The following POLR1A variants were observed in gnomAD, a reference collection of about 807,000 sequenced individuals.
POLR1A encodes the protein RNA polymerase I subunit A, also known as DNA-directed RNA polymerase I subunit RPA1.
In POLR1A, 84 loss-of-function variants were observed where a neutral mutation model predicts 205.3. The observed-to-expected ratio is 0.41, with a 90% CI of 0.34 to 0.49. The LOEUF (loss-of-function observed/expected upper bound fraction) is 0.49. Ranked by LOEUF, POLR1A falls within the 20% of genes least tolerant of loss-of-function variation. The pLI, the probability that POLR1A is intolerant of heterozygous loss-of-function variation, is 0.22. For synonymous variants in POLR1A, 799 were observed against 863.7 expected (o/e 0.93, Z 1.31); for missense variants, 1,645 against 2,204.5 (o/e 0.75, Z 5.08).
chr2:86,083,009 A>C, intron 7 of POLR1A, 73 bp downstream of exon 7: 2 of 1,110,214 alleles, frequency 1.8e-6, no homozygotes, highest in Non-Finnish European at 2.8e-6. Context: ...AGAAGTAATA[A>C]GGCAGGGTTA....
Position 86,026,588 on chromosome 2 carries a change from G to C in POLR1A, c.*835C>G, listed in dbSNP as rs555257359. ...TGGAGGCCTGTGTTCCTTCCCATAA[G>C]CAGGGCCTGTGGGGTGTATGGGGCA... On this transcript the variant is annotated 3_prime_UTR_variant, in exon 34 of 34. Transcript: ENST00000263857. The C allele has an allele frequency of 1.3e-5, 2 of 152,428 alleles. No homozygotes were observed. The highest frequency in any genetic ancestry group is 4.1e-4 in the South Asian group (2 of 4,832). 9.4% of individuals were successfully genotyped at this position (152,428 alleles called of 1,614,324 possible).
chr2:86,047,502 C>T (rs779145651), intron 18 of POLR1A, among the ~76,000 whole-genome samples: 8 of 152,268 alleles, frequency 5.3e-5, no homozygotes, highest in East Asian at 1.9e-4. Flanking sequence ...CCAGGATCCC[C>T]GAGGTTTCAT....
chr2:86,039,657 C>T (rs896031832), intron 25 of POLR1A, among the ~76,000 whole-genome samples, 195 bp from the exon 26 acceptor site: 1 of 152,184 alleles, frequency 6.6e-6, no homozygotes, highest in African/African-American at 2.4e-5. Context: ...TGTCAGTTTC[C>T]TCCCTGGAGG....
At chr2:86,044,080 T>C (rs886548385) in intron 22 of POLR1A, 59 bp downstream of exon 22, 13 of 1,565,900 alleles carry the variant, frequency 8.3e-6, no homozygotes, top group Non-Finnish European at 9.7e-6. Flanking sequence ...TCCAGTTCTC[T>C]AACCTCGGTG....
intron 3 of POLR1A, among the ~76,000 whole-genome samples, chr2:86,097,322 G>A (rs1378546680): frequency 6.7e-6 from 1 of 149,008 alleles, no homozygotes. Context: ...AGCCACTACG[G>A]GAAACATATG....
At chr2:86,093,982 G>A (rs1455596694) in intron 3 of POLR1A, among the ~76,000 whole-genome samples, 1 of 152,122 alleles carries the variant, frequency 6.6e-6, no homozygotes, top group Non-Finnish European at 1.5e-5. Flanking sequence ...AATATCCCTC[G>A]ATTGCGGGCA....
Position 86,060,116 on chromosome 2 carries a change from T to C in POLR1A, c.2058+5158A>G, listed in dbSNP as rs1460456180. Among the ~76,000 whole-genome samples, 5 of 152,350 alleles carry C rather than the reference T, an allele frequency of 3.3e-5. No individual in the cohort carries two copies. In the East Asian group the frequency reaches 7.7e-4, roughly 23 times the overall value. On this transcript the variant is annotated intron_variant, in intron 14 of 33. Coordinates refer to ENST00000263857, the MANE Select transcript of POLR1A (RefSeq NM_015425.6). ...ATTTAATAGACAGTATCATCTACCA[T>C]AGCAGTATCCAGGAGTGAATCTAAT...
chr2:86,029,025 G>T (rs1672326906), intron 31 of POLR1A, among the ~76,000 whole-genome samples: 1 of 152,200 alleles, frequency 6.6e-6, no homozygotes, highest in African/African-American at 2.4e-5. Flanking sequence ...CTGTTTACTA[G>T]GATTAAGGCT....
chr2:86,047,476 C>T (rs566024718), intron 18 of POLR1A, among the ~76,000 whole-genome samples: 2 of 152,326 alleles, frequency 1.3e-5, no homozygotes, highest in East Asian at 3.9e-4. Flanking sequence ...GCCCTGCACT[C>T]GCTGGACTTC....
At chr2:86,102,387 T>A (rs1673836928) in intron 1 of POLR1A, among the ~76,000 whole-genome samples, 1 of 152,244 alleles carries the variant, frequency 6.6e-6, no homozygotes. Flanking sequence ...ATGTTCAACA[T>A]CTTTTCACAT....
At chr2:86,056,169 C>T (rs552199150) in intron 14 of POLR1A, among the ~76,000 whole-genome samples, 10 of 151,954 alleles carry the variant, frequency 6.6e-5, no homozygotes, top group African/African-American at 9.6e-5. Flanking sequence ...GAAAAAGTTC[C>T]GGCCAGGTGT....
chr2:86,070,058 T>C lies in POLR1A; in HGVS notation c.1826A>G (p.Tyr609Cys). The C allele has an allele frequency of 1.2e-6, 2 of 1,614,052 alleles. No individual in the cohort carries two copies. Among genetic ancestry groups the C allele is most frequent in the Non-Finnish European group, 1.7e-6 (2 of 1,179,960 alleles). Reference sequence around the variant, plus strand: ...CTGCTGATCAGTGCAGGCCAGGACGTAGGCCTCGGCCCGGCCCAGCTCACT... The same window carrying C: ...CTGCTGATCAGTGCAGGCCAGGACGCAGGCCTCGGCCCGGCCCAGCTCACT... ...PQSELGRAEA[Y>C]VLACTDQQYL... is the part of the protein sequence containing the mutation. The change falls in exon 13 of 34, where the codon TAC becomes TGC. Residue 609 changes from tyrosine (Y) to cysteine (C), a missense_variant. Physicochemically the swap from Tyr to Cys is radical, Grantham distance 194 (BLOSUM62 -2). Coordinates refer to ENST00000263857, the MANE Select transcript of POLR1A (RefSeq NM_015425.6). This position sits in a 1 kb window ranked among gnomAD's most constrained non-coding sequence, Gnocchi z 4.4.
At chr2:86,040,358 C>G in intron 25 of POLR1A, 34 bp downstream of exon 25, 1 of 1,538,210 alleles carries the variant, frequency 6.5e-7, no homozygotes. Context: ...GAGGCTAGGA[C>G]AGACCCCACC....
chr2:86,049,326 G>T, intron 16 of POLR1A, 84 bp from the exon 17 acceptor site: 1 of 899,450 alleles, frequency 1.1e-6, no homozygotes, highest in Non-Finnish European at 1.9e-6. Context: ...CCAGAGCACA[G>T]AGTCCAGTGC....
chr2:86,029,249 G>A (rs2104377906), intron 31 of POLR1A, among the ~76,000 whole-genome samples: 1 of 152,328 alleles, frequency 6.6e-6, no homozygotes, highest in African/African-American at 2.4e-5. Context: ...TTGGTAAAAG[G>A]GTTCAGGGGA....
chr2:86,050,497 C>T (rs977629591), intron 16 of POLR1A, among the ~76,000 whole-genome samples: 1 of 152,158 alleles, frequency 6.6e-6, no homozygotes, highest in Admixed American at 6.5e-5. Flanking sequence ...CTAGCTGAGA[C>T]GGGCTGGAGT....
chr2:86,035,491 G>C (rs1475919589), intron 27 of POLR1A, among the ~76,000 whole-genome samples: 7 of 152,238 alleles, frequency 4.6e-5, no homozygotes, highest in African/African-American at 1.7e-4. Context: ...CAGAGCAGAG[G>C]AGATGGAATG....
rs1453087874 is a variant in POLR1A at position 86,026,490 on chromosome 2, G to A, written c.*933C>T. 6.6e-6 allele frequency: 1 copy of A among 152,240 alleles called. No homozygotes were observed. The highest frequency in any genetic ancestry group is 1.5e-5 in the Non-Finnish European group (1 of 68,068). The allele number at this position is 152,240 out of a possible 1,614,324, so 9.4% of individuals were successfully genotyped here. A position where few individuals can be genotyped will look rare whatever the true frequency, so the allele number is the denominator to read the frequency against. On this transcript the variant is annotated 3_prime_UTR_variant, in exon 34 of 34. Coordinates refer to ENST00000263857, the MANE Select transcript of POLR1A (RefSeq NM_015425.6). ...TCTCTGTCTTTTCTGTCCATGCCAGGGAAATGTATTGCTGGTGCTAGAGGG... is the reference window on the plus strand; with the variant it reads ...TCTCTGTCTTTTCTGTCCATGCCAGAGAAATGTATTGCTGGTGCTAGAGGG...
intron 16 of POLR1A, among the ~76,000 whole-genome samples, chr2:86,052,056 C>A (rs767699312): frequency 6.6e-6 from 1 of 152,104 alleles, no homozygotes; most frequent in African/African-American, 2.4e-5. Context: ...GCAATTCTCC[C>A]GCCTCAGCCT....
Sources: allele counts gnomAD v4.1 joint callset (sites outside exome capture counted in the v4.1 genomes callset), GRCh38; gene constraint gnomAD v4.1.1; non-coding constraint Gnocchi (gnomAD v3.1); transcripts MANE v1.5; gene names NCBI Gene and HGNC (gene_info 2026-07-23, HGNC 2026-07-21).